Variants in GALNT13 observed in about 807,000 individuals in gnomAD.
The protein encoded by GALNT13 is polypeptide N-acetylgalactosaminyltransferase 13.
A neutral mutation model predicts 64.2 loss-of-function variants in GALNT13; 28 were observed. The observed-to-expected ratio is 0.44, with a 90% CI of 0.32 to 0.60. GALNT13 has a LOEUF of 0.60. Among genes scored for constraint, GALNT13 ranks in the 20% least tolerant of loss-of-function variants. GALNT13 has a pLI of 0.05. For synonymous variants in GALNT13, 214 were observed against 224.6 expected (o/e 0.95, Z 0.42); for missense variants, 577 against 669.8 (o/e 0.86, Z 1.53).
the GALNT13 span, among the ~76,000 whole-genome samples, chr2:153,795,614 G>T: frequency 1.3e-5 from 2 of 151,898 alleles, no homozygotes; most frequent in South Asian, 2.1e-4. Context: ...TTTACTTTAT[G>T]ACCTCTACAT....
chr2:154,018,694 G>C (rs1574340365), intron 3 of GALNT13, among the ~76,000 whole-genome samples: 1 of 151,174 alleles, frequency 6.6e-6, no homozygotes, highest in South Asian at 2.1e-4. Flanking sequence ...GATGGTGAGA[G>C]AATGGTGGAA....
At chr2:153,632,264 T>A in the GALNT13 span, among the ~76,000 whole-genome samples, 1 of 152,208 alleles carries the variant, frequency 6.6e-6, no homozygotes, top group African/African-American at 2.4e-5. Context: ...AGTACAGAGT[T>A]CCCATATACT....
the GALNT13 span, among the ~76,000 whole-genome samples, chr2:153,657,639 TATC>T: frequency 6.6e-6 from 1 of 152,230 alleles, no homozygotes; most frequent in East Asian, 1.9e-4. Context: ...TCTCTATAGA[TATC>T]ATTCTACATC....
chr2:153,271,685 T>C, the GALNT13 span, among the ~76,000 whole-genome samples: 2 of 152,128 alleles, frequency 1.3e-5, no homozygotes, highest in Non-Finnish European at 2.9e-5. Flanking sequence ...AAAATGGCCA[T>C]ACTGCCCAAA....
the GALNT13 span, among the ~76,000 whole-genome samples, chr2:153,535,129 G>C: frequency 1.7e-3 from 254 of 152,152 alleles, 1 homozygote; most frequent in South Asian, 3.1e-3. Context: ...GCTGAAGGGA[G>C]GTCTTGTGGT....
chr2:153,636,328 T>G, the GALNT13 span, among the ~76,000 whole-genome samples: 1 of 152,148 alleles, frequency 6.6e-6, no homozygotes. Flanking sequence ...TTTAAAAAAT[T>G]AAATATGTCC....
At chr2:153,702,343 T>C in the GALNT13 span, among the ~76,000 whole-genome samples, 2 of 152,004 alleles carry the variant, frequency 1.3e-5, no homozygotes, top group Non-Finnish European at 2.9e-5. Flanking sequence ...TGGGGCCTGC[T>C]GAGGGTTAGG....
chr2:154,317,239 G>T (rs1358008376), intron 9 of GALNT13, among the ~76,000 whole-genome samples: 1 of 151,414 alleles, frequency 6.6e-6, no homozygotes, highest in Non-Finnish European at 1.5e-5. Context: ...GAATGGTGTA[G>T]GGTTTTTACT....
At chr2:153,849,614 T>C in the GALNT13 span, among the ~76,000 whole-genome samples, 3 of 152,132 alleles carry the variant, frequency 2.0e-5, no homozygotes, top group Admixed American at 2.0e-4. Flanking sequence ...AAGGATAACC[T>C]AGGTGTCTCC....
chr2:153,725,584 T>A, the GALNT13 span, among the ~76,000 whole-genome samples: 1 of 152,068 alleles, frequency 6.6e-6, no homozygotes, highest in Non-Finnish European at 1.5e-5. Context: ...GATAAATGGA[T>A]AGGGAATAGC....
chr2:153,445,878 A>G, the GALNT13 span, among the ~76,000 whole-genome samples: 1 of 152,250 alleles, frequency 6.6e-6, no homozygotes, highest in South Asian at 2.1e-4. Context: ...ATCTTTTAAC[A>G]TTGTTTTGAA....
chr2:153,403,213 G>A, the GALNT13 span, among the ~76,000 whole-genome samples: 2 of 150,012 alleles, frequency 1.3e-5, no homozygotes, highest in Admixed American at 6.6e-5. Context: ...TGCCCCTGCT[G>A]GGGGGTGCCT....
intron 4 of GALNT13, among the ~76,000 whole-genome samples, chr2:154,215,277 C>G (rs760852675): frequency 1.8e-4 from 28 of 152,114 alleles, no homozygotes; most frequent in Admixed American, 5.2e-4. Flanking sequence ...TTTAATATAC[C>G]ACTTCTATAT....
intron 3 of GALNT13, among the ~76,000 whole-genome samples, chr2:154,030,466 A>G (rs1459529566): frequency 1.3e-5 from 2 of 152,286 alleles, no homozygotes; most frequent in African/African-American, 2.4e-5. Flanking sequence ...TGTTTGACAT[A>G]TAAAAATGGG....
chr2:154,411,460 A>G (rs1227164463), intron 11 of GALNT13, among the ~76,000 whole-genome samples: 1 of 151,752 alleles, frequency 6.6e-6, no homozygotes, highest in African/African-American at 2.4e-5. Flanking sequence ...TACGCACAGT[A>G]TAGAAAGCTG....
At chr2:153,635,445 C>CATATATATATGTATATATATATATACAT in the GALNT13 span, among the ~76,000 whole-genome samples, 37 of 132,328 alleles carry the variant, frequency 2.8e-4, 4 homozygotes, top group Non-Finnish European at 3.8e-4. Context: ...TATATACACA[C>CATATATATATGTATATATATATATACAT]ATATATATGT....
At chr2:153,215,320 C>T in the GALNT13 span, among the ~76,000 whole-genome samples, 1 of 152,124 alleles carries the variant, frequency 6.6e-6, no homozygotes, top group East Asian at 1.9e-4. Context: ...AAGAAGCTGT[C>T]TATTTCCACA....
chr2:154,355,512 G>T lies in GALNT13; in HGVS notation c.1157-40479G>T, dbSNP rs570519346. ...ATTTGCCACACTAAAATGAGGAAAG[G>T]CATCTTATGTTTTCTTTTGGCATAA... On this transcript the variant is annotated intron_variant, in intron 9 of 12. Coordinates refer to ENST00000392825, the MANE Select transcript of GALNT13 (RefSeq NM_052917.4). Among the ~76,000 whole-genome samples the T allele has an allele frequency of 2.3e-3, 352 of 152,124 alleles. 1 individual carries two copies. The highest frequency in any genetic ancestry group is 7.5e-3 in the African/African-American group (310 of 41,542).
intron 11 of GALNT13, among the ~76,000 whole-genome samples, chr2:154,429,268 C>T (rs116176814): frequency 1.5e-3 from 230 of 152,182 alleles, no homozygotes; most frequent in African/African-American, 5.4e-3. Context: ...AGGCATCTTG[C>T]ACCAAACAGC....
Sources: gnomAD v4.1 joint callset for allele counts (sites outside exome capture counted in the v4.1 genomes callset) on GRCh38, gnomAD v4.1.1 for gene constraint, MANE v1.5 for transcripts, NCBI Gene and HGNC (gene_info 2026-07-23, HGNC 2026-07-21) for gene names.